ARHGEF4: variants seen among roughly 807,000 people sequenced by gnomAD.
ARHGEF4 encodes the protein Rho guanine nucleotide exchange factor 4, also known as APC-stimulated guanine nucleotide exchange factor 1.
A neutral mutation model predicts 162.0 loss-of-function variants in ARHGEF4; 119 were observed. The observed-to-expected ratio is 0.73, with a 90% confidence interval of 0.63 to 0.86. The LOEUF (loss-of-function observed/expected upper bound fraction) is 0.86, where lower values mean the gene tolerates loss of function less well. Among genes scored for constraint, ARHGEF4 ranks in the 40% least tolerant of loss-of-function variants. The probability of loss-of-function intolerance (pLI) is 0.00; values close to 1 mark genes in which losing one functional copy is unlikely to be tolerated. For missense variants in ARHGEF4, 2,488 were observed against 2,456.0 expected, an observed-to-expected ratio of 1.01 and a Z score of -0.28; for synonymous variants, 1,014 against 979.9, an observed-to-expected ratio of 1.03 and a Z score of -0.65.
intron 4 of ARHGEF4, among the ~76,000 whole-genome samples, chr2:130,958,124 GC>G (rs1226342690): frequency 6.6e-6 from 1 of 152,100 alleles, no homozygotes; most frequent in Non-Finnish European, 1.5e-5. Flanking sequence ...GTAACAGACG[GC>G]TTCCTGACTA....
intron 4 of ARHGEF4, among the ~76,000 whole-genome samples, chr2:131,023,024 T>G (rs61105058): frequency 0.019 from 2,344 of 122,752 alleles, 67 homozygotes; most frequent in African/African-American, 0.065. Context: ...GAGGATCACT[T>G]GAGCCCAGGA....
At chr2:130,894,693 C>T (rs994913726) in intron 1 of ARHGEF4, among the ~76,000 whole-genome samples, 14 of 151,946 alleles carry the variant, frequency 9.2e-5, no homozygotes, top group African/African-American at 2.9e-4. Context: ...TAGTGAGGCT[C>T]CTTAACAATA....
At chr2:130,954,743 C>G (rs1029927969) in intron 4 of ARHGEF4, among the ~76,000 whole-genome samples, 9 of 152,076 alleles carry the variant, frequency 5.9e-5, no homozygotes, top group Non-Finnish European at 1.0e-4. Flanking sequence ...AGCATTTTTA[C>G]TATGATGTGT....
chr2:130,897,303 C>T (rs960022923), intron 1 of ARHGEF4, among the ~76,000 whole-genome samples: 4 of 152,204 alleles, frequency 2.6e-5, no homozygotes, highest in African/African-American at 7.2e-5. Context: ...GAAATGTTAG[C>T]GCCTCCTGGG....
intron 1 of ARHGEF4, among the ~76,000 whole-genome samples, chr2:130,885,584 T>TTTTTA (rs1559019815): frequency 6.8e-6 from 1 of 147,608 alleles, no homozygotes; most frequent in Non-Finnish European, 1.5e-5. Context: ...TTTTTTTTTT[T>TTTTTA]TTTTAGATGG....
chr2:130,977,872 G>A (rs185096075), intron 4 of ARHGEF4, among the ~76,000 whole-genome samples: 4 of 152,246 alleles, frequency 2.6e-5, no homozygotes, highest in East Asian at 3.9e-4. Flanking sequence ...CAAGGAAGAA[G>A]GCTTTAATCA....
At chr2:130,873,811 A>G (rs1374719918) in intron 1 of ARHGEF4, among the ~76,000 whole-genome samples, 1 of 152,072 alleles carries the variant, frequency 6.6e-6, no homozygotes, top group Admixed American at 6.6e-5. Flanking sequence ...TTGGATTTCC[A>G]GGTACCCCTA....
At chr2:131,017,629 C>T (rs966849140) in intron 4 of ARHGEF4, among the ~76,000 whole-genome samples, 3 of 151,978 alleles carry the variant, frequency 2.0e-5, no homozygotes, top group Admixed American at 6.5e-5. Flanking sequence ...GAGACCATTG[C>T]TTTTAAAATA....
At chr2:130,999,168 T>A (rs1687597099) in intron 4 of ARHGEF4, among the ~76,000 whole-genome samples, 1 of 150,780 alleles carries the variant, frequency 6.6e-6, no homozygotes, top group African/African-American at 2.4e-5. Context: ...TTCTTTTTTT[T>A]TTTTTTTTGA....
intron 13 of ARHGEF4, 43 bp from the exon 14 acceptor site, chr2:131,045,995 T>C: frequency 6.3e-7 from 1 of 1,578,810 alleles, no homozygotes; most frequent in South Asian, 1.1e-5. Context: ...GGTGGCACTC[T>C]GCCCTGGGCA....
chr2:130,853,059 C>T (rs1447364427), intron 1 of ARHGEF4, among the ~76,000 whole-genome samples: 7 of 152,170 alleles, frequency 4.6e-5, no homozygotes, highest in Admixed American at 3.3e-4. Flanking sequence ...AGCACCAAGG[C>T]CATGCATGTT....
chr2:130,852,735 G>T (rs996383283), intron 1 of ARHGEF4, among the ~76,000 whole-genome samples: 1 of 152,204 alleles, frequency 6.6e-6, no homozygotes, highest in African/African-American at 2.4e-5. Context: ...GAGCCCCGTC[G>T]CCTCCTGCGG....
At chr2:131,003,011 T>C (rs1687882633) in intron 4 of ARHGEF4, among the ~76,000 whole-genome samples, 1 of 152,194 alleles carries the variant, frequency 6.6e-6, no homozygotes, top group Non-Finnish European at 1.5e-5. Flanking sequence ...CCCAACTTTG[T>C]GCAAGACACT....
intron 4 of ARHGEF4, among the ~76,000 whole-genome samples, chr2:130,956,776 C>G (rs190464710): frequency 0.019 from 2,499 of 134,422 alleles, 32 homozygotes; most frequent in Middle Eastern, 0.034. Context: ...AATGAGAACA[C>G]ATGGACACAG....
chr2:131,039,274 C>G, intron 6 of ARHGEF4: 1 of 1,288,582 alleles, frequency 7.8e-7, no homozygotes. Context: ...TGTGTGCAGA[C>G]ACTAGGCACC....
intron 1 of ARHGEF4, among the ~76,000 whole-genome samples, chr2:130,855,739 G>T (rs1681731468): frequency 6.6e-6 from 1 of 152,154 alleles, no homozygotes; most frequent in Non-Finnish European, 1.5e-5. Flanking sequence ...AATAGCCAGT[G>T]TTTTCTATGA....
chr2:130,981,988 AT>A (rs749375384), intron 4 of ARHGEF4, among the ~76,000 whole-genome samples: 10 of 152,176 alleles, frequency 6.6e-5, no homozygotes, highest in Non-Finnish European at 1.3e-4. Context: ...GTAAAAAAGA[AT>A]TGCCAAACTG....
intron 2 of ARHGEF4, among the ~76,000 whole-genome samples, chr2:130,921,477 A>G (rs1413143204): frequency 2.6e-5 from 4 of 152,156 alleles, no homozygotes; most frequent in African/African-American, 7.2e-5. Flanking sequence ...TGGGGGATGC[A>G]TATCTTTAGT....
intron 1 of ARHGEF4, among the ~76,000 whole-genome samples, chr2:130,849,468 G>A (rs1437565941): frequency 6.6e-6 from 1 of 151,976 alleles, no homozygotes; most frequent in Non-Finnish European, 1.5e-5. Context: ...CCCACAGGCT[G>A]TCCCAGGCTG....
Sources: allele counts gnomAD v4.1 joint callset (sites outside exome capture counted in the v4.1 genomes callset), GRCh38; gene constraint gnomAD v4.1.1; transcripts MANE v1.5; gene names NCBI Gene and HGNC (gene_info 2026-07-23, HGNC 2026-07-21).